ZNF710: variants seen among roughly 807,000 people sequenced by gnomAD.
The protein encoded by ZNF710 is zinc finger protein 710.
Under a neutral mutation model 50.6 loss-of-function variants are expected in ZNF710, and 13 were observed. The ratio of observed to expected loss-of-function variants is 0.26; its 90% CI spans 0.17 to 0.41. The LOEUF is 0.41. ZNF710 is among the 10% of genes least tolerant of loss of function. The probability of loss-of-function intolerance (pLI) is 1.00; values close to 1 mark genes in which losing one functional copy is unlikely to be tolerated. For missense variants in ZNF710, 721 were observed against 936.6 expected, an observed-to-expected ratio of 0.77 and a Z score of 3.01; for synonymous variants, 383 against 397.0, an observed-to-expected ratio of 0.96 and a Z score of 0.42.
intron 1 of ZNF710, among the ~76,000 whole-genome samples, chr15:90,020,912 A>C (rs1217017678): frequency 6.6e-6 from 1 of 152,034 alleles, no homozygotes; most frequent in African/African-American, 2.4e-5. Context: ...TAATCAATTA[A>C]GATTTGGGGA....
chr15:90,077,259 T>G (rs1462224220), intron 4 of ZNF710, among the ~76,000 whole-genome samples: 2 of 129,152 alleles, frequency 1.5e-5, no homozygotes, highest in African/African-American at 5.3e-5. Flanking sequence ...TTTTTTTTTT[T>G]TTGAGACGGA....
intron 1 of ZNF710, among the ~76,000 whole-genome samples, chr15:90,065,659 C>T (rs2151524671): frequency 6.6e-6 from 1 of 152,302 alleles, no homozygotes; most frequent in South Asian, 2.1e-4. Context: ...GCAGGTGCCT[C>T]CATATGTGGC....
At chr15:90,030,741 G>A (rs1292859131) in intron 1 of ZNF710, among the ~76,000 whole-genome samples, 2 of 151,996 alleles carry the variant, frequency 1.3e-5, no homozygotes, top group African/African-American at 2.4e-5. Context: ...AATTGGCTGG[G>A]CGCGGTGGCT....
At chr15:90,010,310 G>C (rs1395591018) in intron 1 of ZNF710, among the ~76,000 whole-genome samples, 1 of 151,942 alleles carries the variant, frequency 6.6e-6, no homozygotes, top group Non-Finnish European at 1.5e-5. Context: ...TTTTTTTTGA[G>C]ACAGGGTCTC....
At chr15:90,012,290 A>AT (rs1026567607) in intron 1 of ZNF710, among the ~76,000 whole-genome samples, 4,067 of 94,496 alleles carry the variant, frequency 0.043, 214 homozygotes, top group African/African-American at 0.062. Flanking sequence ...TTGAGTGTGC[A>AT]TTTTTTTTTT....
intron 1 of ZNF710, among the ~76,000 whole-genome samples, chr15:90,037,972 T>C (rs1374539391): frequency 6.6e-6 from 1 of 152,202 alleles, no homozygotes; most frequent in African/African-American, 2.4e-5. Context: ...TCTACTCCCC[T>C]TTAACCACAG....
chr15:90,045,301 G>A, intron 1 of ZNF710: 1 of 984,202 alleles, frequency 1.0e-6, no homozygotes, highest in African/African-American at 1.7e-5. Flanking sequence ...GCTTGAGCCT[G>A]GTCAACTGGA....
intron 1 of ZNF710, among the ~76,000 whole-genome samples, chr15:90,008,261 A>G (rs1898187483): frequency 6.6e-6 from 1 of 151,690 alleles, no homozygotes; most frequent in Non-Finnish European, 1.5e-5. Flanking sequence ...CCCCAAGTAC[A>G]GAGGCCTTTT....
At chr15:90,038,523 C>A (rs28750156) in intron 1 of ZNF710, among the ~76,000 whole-genome samples, 18,079 of 152,160 alleles carry the variant, frequency 0.12, 1,239 homozygotes, top group African/African-American at 0.17. Flanking sequence ...AACCACGGTG[C>A]CATCATCACA....
intron 1 of ZNF710, among the ~76,000 whole-genome samples, chr15:90,008,974 C>T (rs2151461585): frequency 6.6e-6 from 1 of 152,172 alleles, no homozygotes; most frequent in Admixed American, 6.5e-5. Context: ...TTCTTCTTTC[C>T]CTGCCCCCAG....
chr15:90,001,966 T>TGAGAGAGAGAGAGAGAGAGAGA (rs745830369), intron 1 of ZNF710, among the ~76,000 whole-genome samples: 6 of 96,844 alleles, frequency 6.2e-5, no homozygotes, highest in African/African-American at 2.5e-4. Context: ...AGCGCGCGAA[T>TGAGAGAGAGAGAGAGAGAGAGA]GAGAGAGAGA....
At chr15:90,047,352 A>G (rs1366330120) in intron 1 of ZNF710, among the ~76,000 whole-genome samples, 1 of 152,248 alleles carries the variant, frequency 6.6e-6, no homozygotes, top group African/African-American at 2.4e-5. Context: ...CTGGTGAGGC[A>G]GGTGCTCTTG....
rs150950322 is a variant in ZNF710, at chr15:90,038,740, T to TGTGTGTGTGAGA, written c.-28-28369_-28-28368insTGTGTGTGAGAG. 1.6e-3 allele frequency among the ~76,000 whole-genome samples: 239 copies of TGTGTGTGTGAGA among 148,634 alleles called. 1 individual carries two copies. The highest frequency in any genetic ancestry group is 5.9e-3 in the African/African-American group (227 of 38,774). Reference sequence around the variant, plus strand: ...GTGTGTGTGTGTGTGTGTGTGTGTGTGAGACATTGGCTTTGAAGAGTCCAG... The same window carrying TGTGTGTGTGAGA: ...GTGTGTGTGTGTGTGTGTGTGTGTGTGTGTGTGTGAGAGAGACATTGGCTTTGAAGAGTCCAG... On this transcript the variant is annotated intron_variant, in intron 1 of 4. Transcript: ENST00000268154.
intron 1 of ZNF710, among the ~76,000 whole-genome samples, chr15:90,010,479 A>G (rs909133510): frequency 6.6e-6 from 1 of 151,878 alleles, no homozygotes; most frequent in African/African-American, 2.4e-5. Flanking sequence ...TATTTTTTGT[A>G]GAGATGGGGT....
At chr15:90,055,959 A>T (rs1353101951) in intron 1 of ZNF710, among the ~76,000 whole-genome samples, 1 of 151,738 alleles carries the variant, frequency 6.6e-6, no homozygotes, top group Non-Finnish European at 1.5e-5. Context: ...TACTAAAAAA[A>T]TACAAAAATT....
upstream of ZNF710, among the ~76,000 whole-genome samples, chr15:90,000,428 C>T (rs1000410055): frequency 6.6e-6 from 1 of 152,068 alleles, no homozygotes; most frequent in Non-Finnish European, 1.5e-5. Context: ...AGGGACCTGA[C>T]GGCCGCGCTG....
intron 1 of ZNF710, among the ~76,000 whole-genome samples, chr15:90,015,965 A>G (rs1353538391): frequency 2.6e-5 from 4 of 152,178 alleles, no homozygotes; most frequent in Non-Finnish European, 2.9e-5. Flanking sequence ...CTATGTACCA[A>G]TGTACACTAT....
chr15:90,049,113 G>A (rs1899558617), intron 1 of ZNF710, among the ~76,000 whole-genome samples: 1 of 152,196 alleles, frequency 6.6e-6, no homozygotes, highest in Non-Finnish European at 1.5e-5. Context: ...CATATATTGT[G>A]GTGTAAAGGC....
intron 1 of ZNF710, among the ~76,000 whole-genome samples, chr15:90,031,946 T>A (rs897877274): frequency 1.3e-5 from 2 of 152,248 alleles, no homozygotes; most frequent in African/African-American, 4.8e-5. Context: ...CCCATTTTCA[T>A]CTGAAGGAAG....
Sources: allele counts gnomAD v4.1 joint callset (sites outside exome capture counted in the v4.1 genomes callset), GRCh38; gene constraint gnomAD v4.1.1; transcripts MANE v1.5; gene names NCBI Gene and HGNC (gene_info 2026-07-23, HGNC 2026-07-21).